The following MEAK7 variants were observed in gnomAD, a reference collection of about 807,000 sequenced individuals.
MEAK7 encodes the protein MTOR-associated protein MEAK7.
A neutral mutation model predicts 40.5 loss-of-function variants in MEAK7; 68 were observed. That is an observed-to-expected ratio of 1.68 (90% CI 1.38 to 2.06). The LOEUF (loss-of-function observed/expected upper bound fraction) is 2.06. Ranked by LOEUF, MEAK7 falls within the 30% of genes most tolerant of loss-of-function variation. The pLI is 0.00. For synonymous variants in MEAK7, 338 were observed against 231.9 expected, an observed-to-expected ratio of 1.46 and a Z score of -4.16; for missense variants, 918 against 580.5, an observed-to-expected ratio of 1.58 and a Z score of -5.98.
intron 1 of MEAK7, among the ~76,000 whole-genome samples, chr16:84,502,273 T>C (rs543019355): frequency 6.6e-6 from 1 of 152,142 alleles, no homozygotes; most frequent in African/African-American, 2.4e-5. Flanking sequence ...GAAAAGTGTG[T>C]GGTTGCCACA....
intron 1 of MEAK7, chr16:84,502,904 A>G (rs772038680): frequency 5.3e-5 from 8 of 152,208 alleles, no homozygotes; most frequent in South Asian, 2.1e-4. Flanking sequence ...GCAGCCCATA[A>G]TAAGTGACCA....
chr16:84,489,169 G>A, intron 4 of MEAK7, 109 bp downstream of exon 4: 2 of 1,367,596 alleles, frequency 1.5e-6, no homozygotes, highest in Non-Finnish European at 1.9e-6. Context: ...GAAGGTTCGA[G>A]GGCTCACGCA....
intron 5 of MEAK7, among the ~76,000 whole-genome samples, chr16:84,484,686 T>C (rs1249762887): frequency 1.3e-5 from 2 of 152,200 alleles, no homozygotes; most frequent in Admixed American, 1.3e-4. Context: ...CTTCATTGTT[T>C]GTCCCACAGC....
chr16:84,492,569 T>TTTAATTTATTTATTTA lies in MEAK7; in HGVS notation c.384+3113_384+3114insTAAATAAATAAATTAA, dbSNP rs112860791. Among the ~76,000 whole-genome samples the TTTAATTTATTTATTTA allele has an allele frequency of 1.8e-4, 26 of 146,810 alleles. No homozygotes were observed. In the East Asian group the frequency reaches 4.9e-3, roughly 28 times the overall value. On this transcript the variant is annotated intron_variant, in intron 3 of 7. Coordinates refer to ENST00000343629, the MANE Select transcript of MEAK7 (RefSeq NM_020947.4). ...TTATTTTGTGATATCAAGTGTTTTATTTTATTTATTTATTTATTTATTTAT... is the reference window on the plus strand; with the variant it reads ...TTATTTTGTGATATCAAGTGTTTTATTTAATTTATTTATTTATTTATTTATTTATTTATTTATTTAT...
chr16:84,484,415 G>A (rs936223460), intron 5 of MEAK7, among the ~76,000 whole-genome samples: 1 of 152,214 alleles, frequency 6.6e-6, no homozygotes, highest in African/African-American at 2.4e-5. Context: ...CTGAGGAGCT[G>A]AGGCCCAGAA....
rs373698853 is a variant in MEAK7 at position 84,495,761 on chromosome 16, G to A, written c.306C>T (p.Asn102=). The A allele has an allele frequency of 1.2e-6, 2 of 1,613,950 alleles. No individual in the cohort carries two copies. The highest frequency in any genetic ancestry group is 1.7e-6 in the Non-Finnish European group (2 of 1,180,044). The part of the protein sequence containing the change: ...TASMSHLLKG[N]SEEKSLMIMK... Reference sequence around the variant, plus strand: ...TAATCATGAGACTCTTCTCCTCGGAGTTTCCTTTCAACAGGTGGGACATGG... The same window carrying A: ...TAATCATGAGACTCTTCTCCTCGGAATTTCCTTTCAACAGGTGGGACATGG... The change falls in exon 3 of 8, where the codon AAC becomes AAT. Residue 102 remains asparagine (N), a synonymous_variant. Transcript: ENST00000343629.
intron 3 of MEAK7, among the ~76,000 whole-genome samples, chr16:84,492,569 T>TTTTATTTA (rs58022971): frequency 0.28 from 40,385 of 146,636 alleles, 6,306 homozygotes; most frequent in Middle Eastern, 0.38. Flanking sequence ...AAGTGTTTTA[T>TTTTATTTA]TTTATTTATT....
chr16:84,504,491 G>A, intron 1 of MEAK7, 110 bp downstream of exon 1: 1 of 688,158 alleles, frequency 1.5e-6, no homozygotes, highest in South Asian at 6.5e-5. Context: ...TGGGAGGCCA[G>A]GGAGGGGCAG....
intron 2 of MEAK7, among the ~76,000 whole-genome samples, chr16:84,496,401 T>C (rs1292825942): frequency 6.6e-6 from 1 of 152,144 alleles, no homozygotes; most frequent in Non-Finnish European, 1.5e-5. Flanking sequence ...GACCTCTTCT[T>C]TTGGCTTTGG....
chr16:84,495,078 G>C (rs1303656896), intron 3 of MEAK7, among the ~76,000 whole-genome samples: 1 of 152,112 alleles, frequency 6.6e-6, no homozygotes, highest in African/African-American at 2.4e-5. Context: ...AGACCAGCCT[G>C]GCCAACGTGG....
chr16:84,483,250 C>T (rs1255008717), intron 5 of MEAK7, among the ~76,000 whole-genome samples: 2 of 152,196 alleles, frequency 1.3e-5, no homozygotes, highest in African/African-American at 2.4e-5. Flanking sequence ...ATGGGGTGGG[C>T]ACACAGGCCA....
intron 1 of MEAK7, chr16:84,503,011 A>G (rs1481626925): frequency 6.6e-6 from 1 of 152,224 alleles, no homozygotes; most frequent in Non-Finnish European, 1.5e-5. Context: ...ACAAACAAAC[A>G]AAAAAACCCA....
Position 84,504,640 on chromosome 16 carries a change from G to A in MEAK7, c.-65C>T, listed in dbSNP as rs1406200638. 4 of 985,520 alleles carry A rather than the reference G, an allele frequency of 4.1e-6. No individual in the cohort carries two copies. Among genetic ancestry groups the A allele is most frequent in the Non-Finnish European group, 4.8e-6 (4 of 830,048 alleles). 61.0% of individuals were successfully genotyped at this position (985,520 alleles called of 1,614,324 possible). Reference sequence around the variant, plus strand: ...TGGTGCTGTCCGGTCCGGTCCAGCAGCCCACGGGCTCCTCTCGAGAGCCGC... The same window carrying A: ...TGGTGCTGTCCGGTCCGGTCCAGCAACCCACGGGCTCCTCTCGAGAGCCGC... On this transcript the variant is annotated 5_prime_UTR_variant, in exon 1 of 8. Coordinates refer to ENST00000343629, the MANE Select transcript of MEAK7 (RefSeq NM_020947.4).
Position 84,487,008 on chromosome 16 carries a change from G to A in MEAK7, c.581C>T (p.Ala194Val). Residue 194 changes from alanine (A) to valine (V), a missense_variant, in exon 5 of 8, where the codon GCT becomes GTT. By Grantham distance (64) the Ala-to-Val change is moderately conservative. Coordinates refer to ENST00000343629, the MANE Select transcript of MEAK7 (RefSeq NM_020947.4). ...CCTGAACACCCAGTCCTCGATCACAGCTCGGTCACAGTCATAGTCCAGCCA... is the reference window on the plus strand; with the variant it reads ...CCTGAACACCCAGTCCTCGATCACAACTCGGTCACAGTCATAGTCCAGCCA... ...PQWLDYDCDR[A>V]VIEDWVFRVP... 6.2e-7 allele frequency: 1 copy of A among 1,614,078 alleles called. No homozygotes were observed. Among genetic ancestry groups the A allele is most frequent in the Non-Finnish European group, 8.5e-7 (1 of 1,180,006 alleles).
rs772688893 is a variant in MEAK7, at chr16:84,479,988, C to G, written c.1296G>C (p.Glu432Asp). 1 of 1,609,074 alleles carries G rather than the reference C, an allele frequency of 6.2e-7. No homozygotes were observed. The highest frequency in any genetic ancestry group is 8.5e-7 in the Non-Finnish European group (1 of 1,176,794). Residue 432 changes from glutamate to aspartate, a missense_variant, in exon 8 of 8, where the codon GAG (glutamate) becomes GAC (aspartate). Physicochemically the swap from Glu to Asp is conservative, Grantham distance 45. Transcript: ENST00000343629. ...GNKSILDADP[E>D]AQALLEISGH... is the part of the protein sequence containing the mutation. ...CACTGATCTCCAGCAGGGCCTGGGC[C>G]TCAGGGTCCGCATCCAGGATGCTCT... is the stretch of plus-strand genomic sequence containing the variant.
At chr16:84,493,529 GT>G (rs988198326) in intron 3 of MEAK7, among the ~76,000 whole-genome samples, 3 of 151,840 alleles carry the variant, frequency 2.0e-5, no homozygotes, top group Admixed American at 6.6e-5. Flanking sequence ...AACATTAGCT[GT>G]TTTTTTTCCA....
At chr16:84,489,600 G>C (rs1410345392) in intron 3 of MEAK7, among the ~76,000 whole-genome samples, 178 bp from the exon 4 acceptor site, 4 of 152,182 alleles carry the variant, frequency 2.6e-5, no homozygotes, top group African/African-American at 9.7e-5. Flanking sequence ...GGCTGGCCTA[G>C]AACTTTTCCC....
intron 1 of MEAK7, among the ~76,000 whole-genome samples, chr16:84,503,720 C>G (rs1224252415): frequency 1.3e-5 from 2 of 152,118 alleles, no homozygotes; most frequent in African/African-American, 4.8e-5. Context: ...AGAAACTGCC[C>G]TGCTTGGAAG....
At chr16:84,488,295 C>A (rs1913271053) in intron 4 of MEAK7, 1 of 152,210 alleles carries the variant, frequency 6.6e-6, no homozygotes, top group South Asian at 2.1e-4. Flanking sequence ...TTCCAAGTTC[C>A]AAATACCTCA....
Sources: gnomAD v4.1 joint callset for allele counts (sites outside exome capture counted in the v4.1 genomes callset) on GRCh38, gnomAD v4.1.1 for gene constraint, MANE v1.5 for transcripts, NCBI Gene and HGNC (gene_info 2026-07-23, HGNC 2026-07-21) for gene names.